The following NAV3 variants were observed in gnomAD, a reference collection of about 807,000 sequenced individuals.
NAV3 encodes neuron navigator 3.
In NAV3, 87 loss-of-function variants were observed where a neutral mutation model predicts 244.7. That is an observed-to-expected ratio of 0.36 (90% CI 0.30 to 0.42). The LOEUF is 0.42. Ranked by LOEUF, NAV3 falls within the 20% of genes least tolerant of loss-of-function variation. NAV3 has a pLI of 1.00. For missense variants in NAV3, 2,663 were observed against 2,893.3 expected, an observed-to-expected ratio of 0.92 and a Z score of 1.83; for synonymous variants, 1,126 against 1,042.2, an observed-to-expected ratio of 1.08 and a Z score of -1.55.
intron 12 of NAV3, among the ~76,000 whole-genome samples, chr12:78,066,142 C>T (rs1884996426): frequency 6.6e-6 from 1 of 151,982 alleles, no homozygotes; most frequent in African/African-American, 2.4e-5. Flanking sequence ...GAGGTTACAT[C>T]AAAAAGTCAG....
chr12:78,031,751 G>C lies in NAV3; in HGVS notation c.2023+9889G>C, dbSNP rs796306647. Among the ~76,000 whole-genome samples the C allele has an allele frequency of 2.9e-3, 309 of 106,772 alleles. 2 individuals are homozygous for C. The highest frequency in any genetic ancestry group is 0.011 in the African/African-American group (294 of 27,794). 70.0% of individuals were successfully genotyped at this position (106,772 alleles called of 152,430 possible). On this transcript the variant is annotated intron_variant, in intron 9 of 39. Transcript: ENST00000397909. ...CGACTGTGGTGGGGTGGGGGGAGGG[G>C]GGAGGGATAGCAATGGGAGATATAC...
At chr12:77,784,631 T>C (rs1013365954) in intron 2 of NAV3, among the ~76,000 whole-genome samples, 1 of 152,120 alleles carries the variant, frequency 6.6e-6, no homozygotes, top group Admixed American at 6.6e-5. Context: ...TGATTGTCAT[T>C]CTGAATAACA....
In NAV3 at chr12:77,957,733, C is replaced by T. The variant is rs537914194; in HGVS notation, c.415-8496C>T. ...TGGCTGGAGTGTAGTGGGGTGATCT[C>T]GGCTCGCTGCAACCTTTGCCTCGCA... On this transcript the variant is annotated intron_variant, in intron 3 of 39. Coordinates refer to ENST00000397909, the MANE Select transcript of NAV3 (RefSeq NM_001024383.2). 1.5e-4 allele frequency among the ~76,000 whole-genome samples: 23 copies of T among 151,980 alleles called. No homozygotes were observed. The South Asian group carries it at 4.2e-3, about 27-fold the overall frequency.
At chr12:78,107,394 T>C (rs1954856303) in intron 12 of NAV3, among the ~76,000 whole-genome samples, 1 of 152,084 alleles carries the variant, frequency 6.6e-6, no homozygotes, top group Non-Finnish European at 1.5e-5. Context: ...TGCAGGAGGC[T>C]CAATGGTCCC....
rs1593663372 is a variant in NAV3, at chr12:78,119,403, A to G, written c.3207A>G (p.Lys1069=). 1 of 1,614,152 alleles carries G rather than the reference A, an allele frequency of 6.2e-7. No homozygotes were observed. The highest frequency in any genetic ancestry group is 8.5e-7 in the Non-Finnish European group (1 of 1,180,014). The change falls in exon 15 of 40, where the codon AAA becomes AAG. Residue 1069 remains lysine (K), a synonymous_variant. Coordinates refer to ENST00000397909, the MANE Select transcript of NAV3 (RefSeq NM_001024383.2). ...STATSSFGFK[K]PSGVGSSAMI... is the part of the protein sequence containing the mutation. ...CCACCAGCTCCTTTGGCTTTAAGAA[A>G]CCAAGTGGAGTAGGGTCATCTGCCA...
At chr12:77,819,864 G>A (rs193161786) in intron 2 of NAV3, among the ~76,000 whole-genome samples, 2 of 152,122 alleles carry the variant, frequency 1.3e-5, no homozygotes, top group Non-Finnish European at 2.9e-5. Flanking sequence ...CATATGTGTG[G>A]TTCGTAAAAC....
chr12:78,095,064 T>TACACAC (rs56856471), intron 12 of NAV3, among the ~76,000 whole-genome samples: 3 of 137,578 alleles, frequency 2.2e-5, no homozygotes, highest in East Asian at 2.0e-4. Flanking sequence ...TATATATATA[T>TACACAC]ACACACACAC....
intron 2 of NAV3, among the ~76,000 whole-genome samples, chr12:77,748,416 A>T (rs1044724560): frequency 5.9e-5 from 9 of 152,234 alleles, no homozygotes; most frequent in African/African-American, 2.2e-4. Context: ...TATGGATAAG[A>T]TTCAAATTGC....
chr12:78,048,914 G>A (rs537994203), intron 9 of NAV3, among the ~76,000 whole-genome samples: 13 of 152,292 alleles, frequency 8.5e-5, no homozygotes, highest in Non-Finnish European at 1.6e-4. Context: ...GATATGCCCC[G>A]CCCAGAGAGG....
chr12:77,918,561 G>A (rs1247994941), intron 1 of NAV3, among the ~76,000 whole-genome samples: 2 of 152,030 alleles, frequency 1.3e-5, no homozygotes, highest in African/African-American at 2.4e-5. Flanking sequence ...TTTGGGCTGA[G>A]TTCATCAGGG....
At chr12:77,877,319 C>A (rs539021530) in intron 1 of NAV3, among the ~76,000 whole-genome samples, 1 of 152,124 alleles carries the variant, frequency 6.6e-6, no homozygotes, top group African/African-American at 2.4e-5. Context: ...TTAATAATTT[C>A]AATGGGCTTT....
intron 12 of NAV3, among the ~76,000 whole-genome samples, chr12:78,099,495 G>T (rs1195042356): frequency 1.3e-5 from 2 of 151,668 alleles, no homozygotes; most frequent in Non-Finnish European, 3.0e-5. Context: ...TTTCTGCACT[G>T]CCCAGTCTTC....
intron 7 of NAV3, among the ~76,000 whole-genome samples, chr12:77,998,855 T>C (rs1872775815): frequency 6.6e-6 from 1 of 152,198 alleles, no homozygotes; most frequent in South Asian, 2.1e-4. Flanking sequence ...GAGCCATAAG[T>C]GTTTTTGACA....
At chr12:77,621,893 G>A (rs17043983) in intron 2 of NAV3, among the ~76,000 whole-genome samples, 13,757 of 152,002 alleles carry the variant, frequency 0.091, 1,623 homozygotes, top group African/African-American at 0.27. Context: ...TTCACTACCC[G>A]ATATTTTATC....
intron 2 of NAV3, among the ~76,000 whole-genome samples, chr12:77,792,359 G>T (rs887645343): frequency 2.0e-5 from 3 of 152,046 alleles, no homozygotes; most frequent in Non-Finnish European, 4.4e-5. Context: ...CTTTTTAAAG[G>T]TTCCTTTATG....
rs769341518 is a variant in NAV3 at position 78,205,109 on chromosome 12, C to A, written c.7009C>A (p.Pro2337Thr). The change falls in exon 39 of 40, where the codon CCG becomes ACG. Residue 2337 changes from proline to threonine, a missense_variant. By Grantham distance (38) the Pro-to-Thr change is conservative (BLOSUM62 -1). This residue lies in a region of NAV3 where 543 missense variants were observed against 672.4 expected (regional missense o/e 0.81). Transcript: ENST00000397909. Reference sequence around the variant, plus strand: ...GGAAGCCACAACCTCAAAGCACATTCCGCAAACTGACACAGAAGGAGATCC... The same window carrying A: ...GGAAGCCACAACCTCAAAGCACATTACGCAAACTGACACAGAAGGAGATCC... ...TKEATTSKHI[P>T]QTDTEGDPLM... The A allele has an allele frequency of 6.2e-7, 1 of 1,613,398 alleles. No individual in the cohort carries two copies. The highest frequency in any genetic ancestry group is 1.7e-5 in the Admixed American group (1 of 59,844).
At chr12:77,693,411 T>C (rs1242789977) in intron 2 of NAV3, among the ~76,000 whole-genome samples, 1 of 151,906 alleles carries the variant, frequency 6.6e-6, no homozygotes, top group East Asian at 1.9e-4. Context: ...ATCCAGTCTA[T>C]AACCTAGAAA....
intron 2 of NAV3, among the ~76,000 whole-genome samples, chr12:77,770,235 A>T (rs1870009001): frequency 6.6e-6 from 1 of 152,118 alleles, no homozygotes; most frequent in Non-Finnish European, 1.5e-5. Context: ...GAATATTTGT[A>T]GGAGTGATGG....
chr12:77,967,895 A>C (rs537196148), intron 4 of NAV3, among the ~76,000 whole-genome samples: 2 of 152,310 alleles, frequency 1.3e-5, no homozygotes, highest in South Asian at 4.1e-4. Context: ...GGAACATTAA[A>C]AATTGATATG....
Sources: allele counts gnomAD v4.1 joint callset (sites outside exome capture counted in the v4.1 genomes callset), GRCh38; gene constraint gnomAD v4.1.1; regional missense constraint gnomAD v4.1.1; transcripts MANE v1.5; gene names NCBI Gene and HGNC (gene_info 2026-07-23, HGNC 2026-07-21).